RTF2: variants seen among roughly 807,000 people sequenced by gnomAD.
RTF2 encodes UPF0549 protein C20orf43.
RTF2 carries 18 observed loss-of-function variants against 38.0 expected under a neutral mutation model. The observed-to-expected ratio is 0.47, with a 90% confidence interval of 0.33 to 0.70. RTF2 has a LOEUF of 0.70. Ranked by LOEUF, RTF2 falls within the 30% of genes least tolerant of loss-of-function variation. The probability of loss-of-function intolerance (pLI) is 0.02; values close to 1 mark genes in which losing one functional copy is unlikely to be tolerated. For synonymous variants in RTF2, 126 were observed against 137.1 expected (o/e 0.92, Z 0.57); for missense variants, 311 against 379.6 (o/e 0.82, Z 1.50).
Position 56,517,969 on chromosome 20 carries a change from A to T in RTF2, c.743-118A>T, listed in dbSNP as rs189465842. 20 of 1,003,660 alleles carry T rather than the reference A, an allele frequency of 2.0e-5. No individual in the cohort carries two copies. The Admixed American group carries it at 3.3e-4, about 16-fold the overall frequency. 62.2% of individuals were successfully genotyped at this position (1,003,660 alleles called of 1,614,324 possible). A position where few individuals can be genotyped will look rare whatever the true frequency, so the allele number is the denominator to read the frequency against. On this transcript the variant is annotated intron_variant, in intron 8 of 8. Coordinates refer to ENST00000357348, the MANE Select transcript of RTF2 (RefSeq NM_016407.5). ...ATTAAGATGACGTCCGCCAGCACTC[A>T]CACAGCCAGCAAGAGAACGTCTGGG...
At chr20:56,497,107 A>C in intron 5 of RTF2, 1 of 1,551,612 alleles carries the variant, frequency 6.4e-7, no homozygotes, top group South Asian at 1.2e-5. Flanking sequence ...TCTGTCTTGG[A>C]GGAAATAAAA....
chr20:56,468,918 A>G, intron 1 of RTF2, 152 bp downstream of exon 1: 1 of 634,384 alleles, frequency 1.6e-6, no homozygotes, highest in Non-Finnish European at 2.8e-6. Flanking sequence ...TAACAACAGT[A>G]TTAAGAGTGG....
At chr20:56,475,204 T>C (rs1890911501) in intron 3 of RTF2, among the ~76,000 whole-genome samples, 1 of 152,210 alleles carries the variant, frequency 6.6e-6, no homozygotes, top group Non-Finnish European at 1.5e-5. Context: ...AAAACAAGTT[T>C]TTTTAATAAG....
At chr20:56,502,839 A>G (rs531224727) in intron 5 of RTF2, among the ~76,000 whole-genome samples, 2 of 152,304 alleles carry the variant, frequency 1.3e-5, no homozygotes, top group African/African-American at 4.8e-5. Flanking sequence ...AGCTTCAGGA[A>G]ATGGGCTTTG....
chr20:56,472,443 G>C, intron 1 of RTF2: 1 of 1,353,136 alleles, frequency 7.4e-7, no homozygotes, highest in Non-Finnish European at 1.0e-6. Flanking sequence ...TCGAGGGCCA[G>C]GGAGGGTCTT....
intron 8 of RTF2, 84 bp from the exon 9 acceptor site, chr20:56,518,003 A>G: frequency 1.5e-6 from 2 of 1,353,162 alleles, no homozygotes; most frequent in Non-Finnish European, 2.0e-6. Flanking sequence ...GGACAGAGTG[A>G]CTGATGGGCT....
chr20:56,498,386 A>G (rs984197183), intron 5 of RTF2, among the ~76,000 whole-genome samples: 39 of 152,296 alleles, frequency 2.6e-4, no homozygotes, highest in Middle Eastern at 3.4e-3. Flanking sequence ...CCTGGGCAAC[A>G]TAGTAAGACT....
At chr20:56,507,907 G>A (rs777397709) in intron 5 of RTF2, among the ~76,000 whole-genome samples, 5 of 152,164 alleles carry the variant, frequency 3.3e-5, no homozygotes, top group Non-Finnish European at 5.9e-5. Flanking sequence ...ACCTCCCATA[G>A]CGTGAGACTT....
chr20:56,493,810 T>C (rs2146340957), intron 5 of RTF2, among the ~76,000 whole-genome samples: 1 of 152,268 alleles, frequency 6.6e-6, no homozygotes, highest in African/African-American at 2.4e-5. Flanking sequence ...TACAAATAAA[T>C]GGACCATTTT....
At chr20:56,506,910 C>A (rs1458861702) in intron 5 of RTF2, among the ~76,000 whole-genome samples, 1 of 152,114 alleles carries the variant, frequency 6.6e-6, no homozygotes, top group Non-Finnish European at 1.5e-5. Flanking sequence ...CCATGTTAGC[C>A]AGGATGGTCT....
intron 5 of RTF2, among the ~76,000 whole-genome samples, chr20:56,499,515 T>G (rs1983789013): frequency 6.6e-6 from 1 of 152,030 alleles, no homozygotes; most frequent in African/African-American, 2.4e-5. Flanking sequence ...CCATCATAAT[T>G]TATACATTTT....
At chr20:56,471,314 A>G (rs962144348) in intron 1 of RTF2, among the ~76,000 whole-genome samples, 1 of 152,218 alleles carries the variant, frequency 6.6e-6, no homozygotes, top group African/African-American at 2.4e-5. Flanking sequence ...CACGCCTGTA[A>G]TCCCAGCACT....
chr20:56,469,724 A>G (rs763583963), intron 1 of RTF2, among the ~76,000 whole-genome samples: 2 of 152,174 alleles, frequency 1.3e-5, no homozygotes, highest in Non-Finnish European at 2.9e-5. Context: ...GCTTCCCATC[A>G]CATTAAGAAT....
intron 6 of RTF2, chr20:56,516,032 G>A (rs547418964): frequency 2.6e-5 from 4 of 152,350 alleles, no homozygotes; most frequent in African/African-American, 9.6e-5. Context: ...TTGAAGGACC[G>A]AGTATCAGTT....
At chr20:56,480,536 C>T (rs555050674) in intron 4 of RTF2, among the ~76,000 whole-genome samples, 14 of 152,302 alleles carry the variant, frequency 9.2e-5, no homozygotes, top group African/African-American at 3.4e-4. Flanking sequence ...AGAACTTTTC[C>T]TTTGCATCCA....
At chr20:56,471,214 C>T (rs532850412) in intron 1 of RTF2, among the ~76,000 whole-genome samples, 3 of 152,126 alleles carry the variant, frequency 2.0e-5, no homozygotes, top group Non-Finnish European at 4.4e-5. Flanking sequence ...TGGGGAAAAT[C>T]CCATACATTT....
chr20:56,495,386 C>T, intron 5 of RTF2: 1 of 1,016,844 alleles, frequency 9.8e-7, no homozygotes, highest in Non-Finnish European at 1.5e-6. Context: ...TTTCCATTTC[C>T]TCTAGATGAG....
At chr20:56,490,203 AT>A (rs1468212986) in intron 5 of RTF2, among the ~76,000 whole-genome samples, 6 of 152,114 alleles carry the variant, frequency 3.9e-5, no homozygotes, top group African/African-American at 1.4e-4. Context: ...GGAAGCTTCC[AT>A]TTACTGAGGT....
intron 5 of RTF2, among the ~76,000 whole-genome samples, chr20:56,498,623 A>G (rs1442181393): frequency 1.3e-5 from 2 of 152,242 alleles, no homozygotes; most frequent in Non-Finnish European, 2.9e-5. Flanking sequence ...AGGTACATGA[A>G]TAGGTGTAGC....
Sources: gnomAD v4.1 joint callset for allele counts (sites outside exome capture counted in the v4.1 genomes callset) on GRCh38, gnomAD v4.1.1 for gene constraint, MANE v1.5 for transcripts, NCBI Gene and HGNC (gene_info 2026-07-23, HGNC 2026-07-21) for gene names.